Variants in SDC3 observed in about 807,000 individuals in gnomAD.
The protein encoded by SDC3 is syndecan-3.
SDC3 carries 13 observed loss-of-function variants against 24.4 expected under a neutral mutation model. That is an observed-to-expected ratio of 0.53 (90% confidence interval 0.35 to 0.85). The LOEUF is 0.85. SDC3 is among the 40% of genes least tolerant of loss of function. The pLI is 0.01. For missense variants in SDC3, 571 were observed against 584.5 expected, an observed-to-expected ratio of 0.98 and a Z score of 0.24; for synonymous variants, 295 against 260.9, an observed-to-expected ratio of 1.13 and a Z score of -1.26.
intron 1 of SDC3, among the ~76,000 whole-genome samples, chr1:30,884,357 C>A (rs201970300): frequency 6.6e-6 from 1 of 151,996 alleles, no homozygotes; most frequent in Non-Finnish European, 1.5e-5. Flanking sequence ...TCTCACAAAC[C>A]AAACCTATCC....
intron 1 of SDC3, among the ~76,000 whole-genome samples, chr1:30,881,912 GC>G (rs1216016186): frequency 6.6e-6 from 1 of 152,116 alleles, no homozygotes; most frequent in Non-Finnish European, 1.5e-5. Context: ...ATACATCTGT[GC>G]CCCGCAGCTG....
At chr1:30,882,568 C>CAGGAGCACAG (rs1639761827) in intron 1 of SDC3, among the ~76,000 whole-genome samples, 2 of 152,210 alleles carry the variant, frequency 1.3e-5, no homozygotes, top group Admixed American at 6.5e-5. Flanking sequence ...CAGGAGCACC[C>CAGGAGCACAG]CATCAGGGCT....
chr1:30,875,930 C>A (rs372609848), intron 3 of SDC3, among the ~76,000 whole-genome samples: 7 of 152,332 alleles, frequency 4.6e-5, no homozygotes, highest in African/African-American at 1.7e-4. Flanking sequence ...GTGCTGAGCA[C>A]TGACCCACAC....
chr1:30,877,453 T>G (rs2124312534), intron 2 of SDC3: 1 of 586,262 alleles, frequency 1.7e-6, no homozygotes, highest in South Asian at 2.2e-5. Context: ...TCTATGAGGT[T>G]GAATCCAGGC....
rs146814082 is a variant in SDC3 at position 30,881,027 on chromosome 1, GCACA to G, written c.139-2291_139-2288del. Among the ~76,000 whole-genome samples, 626 of 134,570 alleles carry G rather than the reference GCACA, an allele frequency of 4.7e-3. 5 individuals are homozygous for G. Among genetic ancestry groups the G allele is most frequent in the African/African-American group, 0.013 (485 of 36,220 alleles). 88.3% of individuals were successfully genotyped at this position (134,570 alleles called of 152,430 possible). A position where few individuals can be genotyped will look rare whatever the true frequency, so the allele number is the denominator to read the frequency against. On this transcript the variant is annotated intron_variant, in intron 1 of 4. Transcript: ENST00000339394. Reference sequence around the variant, plus strand: ...ACCCCCAAGACACGCGCGCACGCATGCACACACACACACACACACACACACACGA... The same window carrying G: ...ACCCCCAAGACACGCGCGCACGCATGCACACACACACACACACACACACGA...
intron 1 of SDC3, among the ~76,000 whole-genome samples, chr1:30,906,626 C>G (rs1178699607): frequency 6.6e-6 from 1 of 152,144 alleles, no homozygotes; most frequent in Non-Finnish European, 1.5e-5. Context: ...AGCTCCTTCT[C>G]AGGACACTCG....
upstream of SDC3, chr1:30,908,863 G>A (rs1395082709): frequency 2.7e-3 from 1 of 368 alleles, no homozygotes; most frequent in Non-Finnish European, 0.038. Context: ...GCCCCAGTGC[G>A]CCCCCCGCGG....
chr1:30,875,751 G>A (rs1162794000), intron 3 of SDC3, among the ~76,000 whole-genome samples: 1 of 152,160 alleles, frequency 6.6e-6, no homozygotes, highest in African/African-American at 2.4e-5. Flanking sequence ...GAGACTGCCC[G>A]GCTCTGGCAC....
chr1:30,893,315 C>CA (rs1553139123), intron 1 of SDC3, among the ~76,000 whole-genome samples: 4 of 126,946 alleles, frequency 3.2e-5, no homozygotes, highest in Non-Finnish European at 5.0e-5. Flanking sequence ...CCCCCCCCCC[C>CA]CCACCATGTC....
At position 30,869,662 on chromosome 1, in the gene SDC3, T is replaced by A; in HGVS notation, c.*3549A>T. 2.5e-6 allele frequency: 1 copy of A among 398,614 alleles called. No individual in the cohort carries two copies. Among genetic ancestry groups the A allele is most frequent in the Non-Finnish European group, 4.4e-6 (1 of 226,102 alleles). The allele number at this position is 398,614 out of a possible 1,614,324, so 24.7% of individuals were successfully genotyped here. A position where few individuals can be genotyped will look rare whatever the true frequency, so the allele number is the denominator to read the frequency against. The stretch of plus-strand genomic sequence containing the variant: ...TTTCCACTGTCTTTTTCTTTTGTTT[T>A]TCTTATTTAAGGTTTTGGCCATGAA... On this transcript the variant is annotated 3_prime_UTR_variant, in exon 5 of 5. Coordinates refer to ENST00000339394, the MANE Select transcript of SDC3 (RefSeq NM_014654.4).
upstream of SDC3, among the ~76,000 whole-genome samples, chr1:30,909,330 G>T (rs938183010): frequency 6.6e-6 from 1 of 152,186 alleles, no homozygotes; most frequent in Non-Finnish European, 1.5e-5. Context: ...GACCATGGGG[G>T]TGGTCACTTC....
At position 30,874,561 on chromosome 1, in the gene SDC3, T is replaced by G; in HGVS notation, c.898A>C (p.Thr300Pro). ...QTPTPETFLT[T>P]IRDEPEVPVS... ...GGAACCTCTGGCTCATCCCGGATTG[T>G]GGTCAGGAAGGTCTCTGGAGTTGGG... The change falls in exon 4 of 5, where the codon ACA becomes CCA. Residue 300 changes from threonine to proline, a missense_variant. Coordinates refer to ENST00000339394, the MANE Select transcript of SDC3 (RefSeq NM_014654.4). The G allele has an allele frequency of 6.2e-7, 1 of 1,614,128 alleles. No individual in the cohort carries two copies. The highest frequency in any genetic ancestry group is 8.5e-7 in the Non-Finnish European group (1 of 1,180,008).
rs1166528907 is a variant in SDC3 at position 30,874,472 on chromosome 1, T to A, written c.987A>T (p.Thr329=). ...LPEEETTQPD[T]ANEVVAVGGA... ...CTCCCACAGCTACCACCTCATTGGCTGTGTCTGGTTGTGTGGTCTCTTCTT... is the reference window on the plus strand; with the variant it reads ...CTCCCACAGCTACCACCTCATTGGCAGTGTCTGGTTGTGTGGTCTCTTCTT... Residue 329 remains threonine, a synonymous_variant, in exon 4 of 5, where the codon ACA becomes ACT. Coordinates refer to ENST00000339394, the MANE Select transcript of SDC3 (RefSeq NM_014654.4). 1 of 1,614,050 alleles carries A rather than the reference T, an allele frequency of 6.2e-7. No homozygotes were observed. Among genetic ancestry groups the A allele is most frequent in the Non-Finnish European group, 8.5e-7 (1 of 1,180,034 alleles).
At chr1:30,894,740 T>C (rs940472085) in intron 1 of SDC3, among the ~76,000 whole-genome samples, 4 of 151,386 alleles carry the variant, frequency 2.6e-5, no homozygotes, top group Non-Finnish European at 5.9e-5. Flanking sequence ...TATGTGTGAA[T>C]GTGTGGGCGT....
chr1:30,894,775 C>T (rs1210703489), intron 1 of SDC3, among the ~76,000 whole-genome samples: 1 of 151,662 alleles, frequency 6.6e-6, no homozygotes, highest in Non-Finnish European at 1.5e-5. Flanking sequence ...ATGCACACAT[C>T]CAAGCACATT....
chr1:30,876,163 G>A (rs967066565), intron 3 of SDC3, among the ~76,000 whole-genome samples: 7 of 152,166 alleles, frequency 4.6e-5, no homozygotes, highest in African/African-American at 9.7e-5. Context: ...ATGAGGAAGC[G>A]GAGGTATAGA....
chr1:30,898,579 T>C (rs1245918611), intron 1 of SDC3, among the ~76,000 whole-genome samples: 2 of 152,080 alleles, frequency 1.3e-5, no homozygotes, highest in East Asian at 3.9e-4. Context: ...GGGAGGGTGG[T>C]GGTGCCCAGC....
Position 30,908,617 on chromosome 1 carries a change from C to G in SDC3, c.-31G>C. The G allele has an allele frequency of 1.1e-6, 1 of 898,220 alleles. No homozygotes were observed. The highest frequency in any genetic ancestry group is 1.3e-6 in the Non-Finnish European group (1 of 755,476). 55.6% of individuals were successfully genotyped at this position (898,220 alleles called of 1,614,324 possible). A position where few individuals can be genotyped will look rare whatever the true frequency, so the allele number is the denominator to read the frequency against. ...CGGCGCGGGCGCGGGCGGCGGGCGG[C>G]GGGCGGGCGCCTTTGTTCCCGAGGC... On this transcript the variant is annotated 5_prime_UTR_variant, in exon 1 of 5. Transcript: ENST00000339394.
At chr1:30,878,234 C>G in intron 2 of SDC3, 1 of 166,766 alleles carries the variant, frequency 6.0e-6, no homozygotes. Flanking sequence ...TTCCCCAGGG[C>G]GGGGCCATCC....
Sources: gnomAD v4.1 joint callset for allele counts (sites outside exome capture counted in the v4.1 genomes callset) on GRCh38, gnomAD v4.1.1 for gene constraint, MANE v1.5 for transcripts, NCBI Gene and HGNC (gene_info 2026-07-23, HGNC 2026-07-21) for gene names.